The following HS2ST1 variants were observed in gnomAD, a reference collection of about 807,000 sequenced individuals.
HS2ST1 encodes 2-O-sulfotransferase.
A neutral mutation model predicts 42.9 loss-of-function variants in HS2ST1; 18 were observed. The ratio of observed to expected loss-of-function variants is 0.42; its 90% CI spans 0.29 to 0.62. HS2ST1 has a LOEUF of 0.62. Ranked by LOEUF, HS2ST1 falls within the 20% of genes least tolerant of loss-of-function variation. HS2ST1 has a pLI of 0.21. For synonymous variants in HS2ST1, 146 were observed against 152.9 expected, an observed-to-expected ratio of 0.95 and a Z score of 0.33; for missense variants, 334 against 433.8, an observed-to-expected ratio of 0.77 and a Z score of 2.04.
At chr1:87,007,737 G>C (rs1400291495) in intron 1 of HS2ST1, among the ~76,000 whole-genome samples, 1 of 151,964 alleles carries the variant, frequency 6.6e-6, no homozygotes, top group Non-Finnish European at 1.5e-5. Context: ...TATCATTTAT[G>C]CACAATGCTA....
intron 1 of HS2ST1, among the ~76,000 whole-genome samples, chr1:86,986,039 C>CTTTTT (rs11377612): frequency 7.5e-6 from 1 of 133,836 alleles, no homozygotes; most frequent in Non-Finnish European, 1.6e-5. Context: ...AGCTTGGCCT[C>CTTTTT]TTTTTTTTTT....
intron 1 of HS2ST1, among the ~76,000 whole-genome samples, chr1:87,013,013 TCC>T (rs1349226614): frequency 6.6e-6 from 1 of 152,216 alleles, no homozygotes; most frequent in Non-Finnish European, 1.5e-5. Context: ...GGGTACAGCC[TCC>T]CTTGTGACTG....
intron 1 of HS2ST1, among the ~76,000 whole-genome samples, chr1:86,979,734 T>G (rs1648523241): frequency 6.6e-6 from 1 of 152,236 alleles, no homozygotes; most frequent in African/African-American, 2.4e-5. Context: ...GAAGTGGAAT[T>G]GCTCAGTCAT....
At chr1:86,974,691 C>T (rs1648341566) in intron 1 of HS2ST1, among the ~76,000 whole-genome samples, 1 of 152,126 alleles carries the variant, frequency 6.6e-6, no homozygotes, top group South Asian at 2.1e-4. Context: ...AATTGTAGGA[C>T]AGTCAGTTGG....
chr1:86,965,952 G>C (rs1648034268), intron 1 of HS2ST1, among the ~76,000 whole-genome samples: 1 of 152,160 alleles, frequency 6.6e-6, no homozygotes, highest in Admixed American at 6.5e-5. Context: ...TTGCCTGTTT[G>C]GTTTTCTGTT....
At chr1:86,945,445 A>T (rs1557488705) in intron 1 of HS2ST1, among the ~76,000 whole-genome samples, 1 of 152,224 alleles carries the variant, frequency 6.6e-6, no homozygotes, top group Admixed American at 6.5e-5. Context: ...TGTGTGGCAG[A>T]TATTATTCTC....
intron 1 of HS2ST1, among the ~76,000 whole-genome samples, chr1:86,978,482 A>G (rs1212555872): frequency 2.0e-5 from 3 of 152,210 alleles, no homozygotes; most frequent in East Asian, 1.9e-4. Flanking sequence ...CTGGAATACC[A>G]GTTTTGAAAT....
At chr1:87,043,828 A>G (rs1358204666) in intron 1 of HS2ST1, among the ~76,000 whole-genome samples, 1 of 152,100 alleles carries the variant, frequency 6.6e-6, no homozygotes, top group Non-Finnish European at 1.5e-5. Flanking sequence ...AGAAATAAAT[A>G]TTTAATATTT....
intron 1 of HS2ST1, among the ~76,000 whole-genome samples, chr1:86,940,689 A>G (rs1352218149): frequency 3.3e-5 from 5 of 152,192 alleles, no homozygotes; most frequent in Admixed American, 6.5e-5. Context: ...TTTGGAAATG[A>G]CTATTGAAAA....
chr1:87,030,865 T>C (rs1234624294), intron 1 of HS2ST1, among the ~76,000 whole-genome samples: 4 of 152,208 alleles, frequency 2.6e-5, no homozygotes, highest in Non-Finnish European at 5.9e-5. Context: ...AGCAAAACTA[T>C]ACTGAGAGTC....
At chr1:87,069,394 C>T (rs889560797) in intron 1 of HS2ST1, among the ~76,000 whole-genome samples, 1 of 152,158 alleles carries the variant, frequency 6.6e-6, no homozygotes, top group Non-Finnish European at 1.5e-5. Context: ...GAAAGCCTCA[C>T]AAGAGGCTGC....
At position 87,084,265 on chromosome 1, in the gene HS2ST1, C is replaced by T; in HGVS notation, c.435C>T (p.Tyr145=). The change falls in exon 3 of 7, where the codon TAC becomes TAT. Residue 145 remains tyrosine (Y), a synonymous_variant. Transcript: ENST00000370550. The stretch of plus-strand genomic sequence containing the variant: ...GATTTTATCATGGACACGTTTCTTA[C>T]TTGGATTTTGCAAAGTAAGTTACAC... ...KPGFYHGHVS[Y]LDFAKFGVKK... is the part of the protein sequence containing the mutation. 1.2e-6 allele frequency: 2 copies of T among 1,602,392 alleles called. No individual in the cohort carries two copies. The highest frequency in any genetic ancestry group is 2.2e-5 in the South Asian group (2 of 89,002).
chr1:86,986,878 A>C (rs1358109191), intron 1 of HS2ST1, among the ~76,000 whole-genome samples: 2 of 152,110 alleles, frequency 1.3e-5, no homozygotes, highest in African/African-American at 4.8e-5. Context: ...AAGCCACCAA[A>C]TTATGGTAAT....
intron 5 of HS2ST1, among the ~76,000 whole-genome samples, chr1:87,101,631 C>G (rs1652210448): frequency 6.6e-6 from 1 of 152,210 alleles, no homozygotes; most frequent in Non-Finnish European, 1.5e-5. Flanking sequence ...ATATTTCTGT[C>G]AGCATTTTTA....
intron 2 of HS2ST1, among the ~76,000 whole-genome samples, chr1:87,079,491 A>T (rs1651630176): frequency 6.6e-6 from 1 of 152,204 alleles, no homozygotes; most frequent in Admixed American, 6.5e-5. Flanking sequence ...CATGTTAGCC[A>T]TACTGACATC....
chr1:87,071,538 G>A (rs1328926463), intron 1 of HS2ST1, among the ~76,000 whole-genome samples: 1 of 152,050 alleles, frequency 6.6e-6, no homozygotes, highest in Non-Finnish European at 1.5e-5. Context: ...AGACCAGCCT[G>A]GCCAAGATGG....
At chr1:86,951,846 T>C (rs1383927517) in intron 1 of HS2ST1, among the ~76,000 whole-genome samples, 2 of 152,244 alleles carry the variant, frequency 1.3e-5, no homozygotes, top group East Asian at 3.8e-4. Flanking sequence ...CATTTCAGCA[T>C]GTTCACAGCA....
rs146798685 is a variant in HS2ST1 at position 87,015,642 on chromosome 1, C to A, written c.125-57292C>A. ...TACAGGCATGAGCCACTGTGCCCAG[C>A]AAGCCCTGTTATTTTTTATGTTGAG... On this transcript the variant is annotated intron_variant, in intron 1 of 6. Coordinates refer to ENST00000370550, the MANE Select transcript of HS2ST1 (RefSeq NM_012262.4). Among the ~76,000 whole-genome samples, 700 of 152,084 alleles carry A rather than the reference C, an allele frequency of 4.6e-3. 4 individuals carry two copies. The highest frequency in any genetic ancestry group is 0.02 in the Middle Eastern group (6 of 294).
intron 1 of HS2ST1, among the ~76,000 whole-genome samples, chr1:87,041,225 TA>T (rs1174731806): frequency 4.0e-5 from 1 of 24,878 alleles, no homozygotes; most frequent in African/African-American, 1.2e-4. Context: ...TTGTCTCTAC[TA>T]AAAAAAAAAA....
Sources: gnomAD v4.1 joint callset for allele counts (sites outside exome capture counted in the v4.1 genomes callset) on GRCh38, gnomAD v4.1.1 for gene constraint, MANE v1.5 for transcripts, NCBI Gene and HGNC (gene_info 2026-07-23, HGNC 2026-07-21) for gene names.